The following EVC variants were observed in gnomAD, a reference collection of about 807,000 sequenced individuals.
EVC encodes the protein EvC ciliary complex subunit 1.
A neutral mutation model predicts 118.9 loss-of-function variants in EVC; 116 were observed. The ratio of observed to expected loss-of-function variants is 0.98; its 90% confidence interval spans 0.84 to 1.14. The LOEUF is 1.14. EVC is among the 50% of genes most tolerant of loss of function. EVC has a pLI of 0.00. For synonymous variants in EVC, 619 were observed against 534.7 expected, an observed-to-expected ratio of 1.16 and a Z score of -2.18; for missense variants, 1,401 against 1,246.4, an observed-to-expected ratio of 1.12 and a Z score of -1.87.
At chr4:5,803,449 T>C (rs1715348693) in intron 16 of EVC, among the ~76,000 whole-genome samples, 2 of 152,176 alleles carry the variant, frequency 1.3e-5, no homozygotes, top group South Asian at 4.1e-4. Context: ...ACAGACATGA[T>C]TGCTTGCTAC....
Position 5,743,095 on chromosome 4 carries a change from A to G in EVC, c.801+1281A>G, listed in dbSNP as rs1013121835. Among the ~76,000 whole-genome samples the G allele has an allele frequency of 1.3e-5, 2 of 152,218 alleles. No individual in the cohort carries two copies. Among genetic ancestry groups the G allele is most frequent in the Non-Finnish European group, 2.9e-5 (2 of 68,034 alleles). Reference sequence around the variant, plus strand: ...AGTAACTTCTGGGTTGTTGCCATGGAAAAGGGTGGTAACTTTTGGGTTGTT... The same window carrying G: ...AGTAACTTCTGGGTTGTTGCCATGGGAAAGGGTGGTAACTTTTGGGTTGTT... On this transcript the variant is annotated intron_variant, in intron 6 of 20. Coordinates refer to ENST00000264956, the MANE Select transcript of EVC (RefSeq NM_153717.3). The surrounding 1 kb of genome is among the most constrained non-coding windows in gnomAD (Gnocchi z 4.7).
chr4:5,789,572 A>G lies in EVC; in HGVS notation c.1777-4036A>G, dbSNP rs187407752. On this transcript the variant is annotated intron_variant, in intron 12 of 20. Transcript: ENST00000264956. The surrounding 1 kb of genome is among the most constrained non-coding windows in gnomAD (Gnocchi z 4.3). The stretch of plus-strand genomic sequence containing the variant: ...TTCAGCACATGCTAGGCATCAATCA[A>G]TAGATCTTTCCCTTTCTCCCCATAA... Among the ~76,000 whole-genome samples the G allele has an allele frequency of 1.0e-3, 153 of 152,316 alleles. No individual in the cohort carries two copies. Among genetic ancestry groups the G allele is most frequent in the Non-Finnish European group, 1.9e-3 (126 of 68,030 alleles).
At chr4:5,825,215 G>A in the EVC span, 2 of 985,138 alleles carry the variant, frequency 2.0e-6, no homozygotes, top group Non-Finnish European at 2.4e-6. This position sits in a 1 kb window ranked among gnomAD's most constrained non-coding sequence, Gnocchi z 4.4. Context: ...GTCCCCAAAT[G>A]TGTGTAAGGA....
chr4:5,783,457 TGTG>T lies in EVC; in HGVS notation c.1564-93_1564-91del, dbSNP rs1349713817. ...CCTGTCTGTGGATCTCCTTGTGTCT[TGTG>T]GGAGGCTTGTGGAGGAGAGGCAGAG... On this transcript the variant is annotated intron_variant, in intron 11 of 20. Transcript: ENST00000264956. 3.4e-6 allele frequency: 4 copies of T among 1,187,282 alleles called. No homozygotes were observed. The East Asian group carries it at 9.3e-5, about 28-fold the overall frequency. 73.5% of individuals were successfully genotyped at this position (1,187,282 alleles called of 1,614,324 possible). A position where few individuals can be genotyped will look rare whatever the true frequency, so the allele number is the denominator to read the frequency against.
At chr4:5,770,506 G>T (rs186464874) in intron 11 of EVC, among the ~76,000 whole-genome samples, 25 of 152,276 alleles carry the variant, frequency 1.6e-4, no homozygotes, top group African/African-American at 5.5e-4. Context: ...AGGTCACTCA[G>T]CTGGGGCCTA....
chr4:5,740,242 G>A (rs1054646625), intron 5 of EVC, among the ~76,000 whole-genome samples: 3 of 152,060 alleles, frequency 2.0e-5, no homozygotes, highest in Admixed American at 2.0e-4. Context: ...AGGCTGAGGT[G>A]GGTGGATCAC....
At chr4:5,817,841 G>A (rs761667279), downstream of EVC, among the ~76,000 whole-genome samples, 7 of 152,282 alleles carry the variant, frequency 4.6e-5, no homozygotes, top group Non-Finnish European at 7.3e-5. Context: ...AACCCTGGGG[G>A]CTAGAACATG....
intron 11 of EVC, among the ~76,000 whole-genome samples, chr4:5,764,652 TTTATCCA>T (rs1732589891): frequency 6.9e-6 from 1 of 144,878 alleles, no homozygotes; most frequent in Non-Finnish European, 1.5e-5. Flanking sequence ...TGTTGAGGAA[TTTATCCA>T]TTTCTTCTAG....
Position 5,782,975 on chromosome 4 carries a change from C to CTTGGCAAGGAGAGCAGATGTGAAGG in EVC, c.1564-571_1564-547dup, listed in dbSNP as rs1437472421. Among the ~76,000 whole-genome samples, 461 of 152,106 alleles carry CTTGGCAAGGAGAGCAGATGTGAAGG rather than the reference C, an allele frequency of 3.0e-3. 1 individual carries two copies. Among genetic ancestry groups the CTTGGCAAGGAGAGCAGATGTGAAGG allele is most frequent in the Non-Finnish European group, 4.1e-3 (279 of 67,996 alleles). On this transcript the variant is annotated intron_variant, in intron 11 of 20. Transcript: ENST00000264956. The stretch of plus-strand genomic sequence containing the variant: ...CTGTGGGAGGAGAGCAGGTGTGAAG[C>CTTGGCAAGGAGAGCAGATGTGAAGG]TTGGCAAGGAGAGCAGATGTGAAGG...
Position 5,743,179 on chromosome 4 carries a change from T to C in EVC, c.801+1365T>C, listed in dbSNP as rs1728862194. Among the ~76,000 whole-genome samples, 1 of 152,152 alleles carries C rather than the reference T, an allele frequency of 6.6e-6. No homozygotes were observed. Among genetic ancestry groups the C allele is most frequent in the South Asian group, 2.1e-4 (1 of 4,822 alleles). On this transcript the variant is annotated intron_variant, in intron 6 of 20. Transcript: ENST00000264956. The surrounding 1 kb of genome is among the most constrained non-coding windows in gnomAD (Gnocchi z 4.7). ...GGGAGTGTCTTATGCTAATGAGCAA[T>C]GAGGGCAGCAAGGGATCACTTTCAT...
At chr4:5,753,983 C>T (rs769999522) in intron 10 of EVC, 50 bp downstream of exon 10, 63 of 1,610,712 alleles carry the variant, frequency 3.9e-5, no homozygotes, top group Non-Finnish European at 2.8e-5. Context: ...AGTTGTAGCT[C>T]TGTTCCCGTG....
At chr4:5,821,682 G>T in the EVC span, 6 of 1,388,438 alleles carry the variant, frequency 4.3e-6, no homozygotes, top group African/African-American at 5.7e-5. This position sits in a 1 kb window ranked among gnomAD's most constrained non-coding sequence, Gnocchi z 4.4. Flanking sequence ...AAAACTGTGG[G>T]TTTCAAAAAC....
rs916137796 is a variant in EVC, at chr4:5,808,084, G to C, written c.2562-117G>C. ...CTGTGAATGGTGCCCCCGATGGCCA[G>C]GCCCCTCTTGGGGCTCCCAGGGATC... On this transcript the variant is annotated intron_variant, in intron 17 of 20. Transcript: ENST00000264956. 3.0e-5 allele frequency: 25 copies of C among 833,292 alleles called. No homozygotes were observed. In the African/African-American group the frequency reaches 4.1e-4, roughly 14 times the overall value. 51.6% of individuals were successfully genotyped at this position (833,292 alleles called of 1,614,324 possible). A position where few individuals can be genotyped will look rare whatever the true frequency, so the allele number is the denominator to read the frequency against.
chr4:5,733,260 G>C (rs1202432133), intron 4 of EVC, 91 bp from the exon 5 acceptor site: 1 of 1,017,496 alleles, frequency 9.8e-7, no homozygotes, highest in Non-Finnish European at 1.5e-6. Context: ...AGGGTGTGCT[G>C]TGGCTTGTAC....
intron 5 of EVC, 76 bp downstream of exon 5, chr4:5,733,511 TC>T: frequency 8.0e-7 from 1 of 1,257,178 alleles, no homozygotes; most frequent in South Asian, 1.2e-5. Flanking sequence ...GTGCAGTGAG[TC>T]CCAGAGACCC....
intron 11 of EVC, among the ~76,000 whole-genome samples, chr4:5,761,689 C>A (rs1384908732): frequency 6.6e-6 from 1 of 151,896 alleles, no homozygotes; most frequent in Non-Finnish European, 1.5e-5. Flanking sequence ...CAGCCGTCAA[C>A]ATGATCAGCA....
chr4:5,756,300 CA>C lies in EVC; in HGVS notation c.1502del (p.Gln501ArgfsTer46), dbSNP rs1731162361. ...HEVLERQRLM[Q>X]CDLEEEENVR... The stretch of plus-strand genomic sequence containing the variant: ...GGTCCTGGAGAGGCAGAGGCTGATG[CA>C]GTGTGACCTGGAGGAAGAGGAGAAT... On this transcript the variant is annotated frameshift_variant, in exon 11 of 21. Coordinates refer to ENST00000264956, the MANE Select transcript of EVC (RefSeq NM_153717.3). LOFTEE classifies it high-confidence loss of function. The surrounding 1 kb of genome is among the most constrained non-coding windows in gnomAD (Gnocchi z 4.2). The C allele has an allele frequency of 1.2e-6, 2 of 1,612,972 alleles. No homozygotes were observed. The highest frequency in any genetic ancestry group is 1.7e-6 in the Non-Finnish European group (2 of 1,179,774).
chr4:5,785,721 GC>G (rs1736318534), intron 12 of EVC, among the ~76,000 whole-genome samples: 1 of 152,208 alleles, frequency 6.6e-6, no homozygotes, highest in Admixed American at 6.5e-5. Flanking sequence ...AAGCCCAGTG[GC>G]TGCAATATGG....
chr4:5,731,529 C>T lies in EVC; in HGVS notation c.489C>T (p.Ser163=), dbSNP rs1490742182. The change falls in exon 4 of 21, where the codon AGC becomes AGT. Residue 163 remains serine, a synonymous_variant. Transcript: ENST00000264956. The surrounding 1 kb of genome is among the most constrained non-coding windows in gnomAD (Gnocchi z 5.6). ...VEASPSSSLG[S]LSQGEKDDCS... The stretch of plus-strand genomic sequence containing the variant: ...CCTCTCCTTCCAGCAGTCTGGGGAG[C>T]CTGAGCCAGGGTGAGAAGGACGACT... 1.2e-6 allele frequency: 2 copies of T among 1,614,092 alleles called. No individual in the cohort carries two copies. Among genetic ancestry groups the T allele is most frequent in the South Asian group, 1.1e-5 (1 of 91,076 alleles).
Sources: gnomAD v4.1 joint callset for allele counts (sites outside exome capture counted in the v4.1 genomes callset) on GRCh38, gnomAD v4.1.1 for gene constraint, Gnocchi (gnomAD v3.1) non-coding constraint, MANE v1.5 for transcripts, NCBI Gene and HGNC (gene_info 2026-07-23, HGNC 2026-07-21) for gene names.